Variants in KLF12 observed in about 807,000 individuals in gnomAD.
The protein encoded by KLF12 is KLF transcription factor 12, also known as Krueppel-like factor 12.
Under a neutral mutation model 37.8 loss-of-function variants are expected in KLF12, and 9 were observed. That is an observed-to-expected ratio of 0.24 (90% CI 0.14 to 0.42). The LOEUF is 0.42. Among genes scored for constraint, KLF12 ranks in the 10% least tolerant of loss-of-function variants. The pLI is 1.00. For synonymous variants in KLF12, 208 were observed against 202.1 expected, an observed-to-expected ratio of 1.03 and a Z score of -0.25; for missense variants, 411 against 516.0, an observed-to-expected ratio of 0.80 and a Z score of 1.97.
the KLF12 span, among the ~76,000 whole-genome samples, chr13:74,269,409 A>G: frequency 6.6e-6 from 1 of 152,174 alleles, no homozygotes; most frequent in Non-Finnish European, 1.5e-5. Context: ...TTTCATATAG[A>G]GCATACTGAG....
At chr13:74,156,472 G>A in the KLF12 span, among the ~76,000 whole-genome samples, 5 of 152,170 alleles carry the variant, frequency 3.3e-5, no homozygotes, top group Admixed American at 6.5e-5. Context: ...TTTATCCTTT[G>A]AGTTACAAAC....
intron 3 of KLF12, among the ~76,000 whole-genome samples, chr13:73,896,574 G>A (rs886389945): frequency 3.3e-5 from 5 of 152,274 alleles, no homozygotes; most frequent in East Asian, 1.9e-4. Context: ...AATCATTAGA[G>A]CAGCATAGTG....
intron 6 of KLF12, among the ~76,000 whole-genome samples, chr13:73,734,438 CAAGCAAATTT>C (rs976503739): frequency 1.3e-4 from 20 of 152,096 alleles, no homozygotes; most frequent in Admixed American, 1.2e-3. Flanking sequence ...AAAACAGTGC[CAAGCAAATTT>C]AAGTACTAAT....
intron 2 of KLF12, among the ~76,000 whole-genome samples, chr13:73,982,777 T>C (rs369298553): frequency 6.6e-6 from 1 of 152,168 alleles, no homozygotes; most frequent in Non-Finnish European, 1.5e-5. Flanking sequence ...GCCATTTTTC[T>C]CATAGTTAAG....
In KLF12 at chr13:73,738,050, C is replaced by T. The variant is rs373381334; in HGVS notation, c.870-22525G>A. Among the ~76,000 whole-genome samples, 145 of 89,422 alleles carry T rather than the reference C, an allele frequency of 1.6e-3. 2 individuals are homozygous for T. The highest frequency in any genetic ancestry group is 8.2e-3 in the African/African-American group (128 of 15,562). 58.7% of individuals were successfully genotyped at this position (89,422 alleles called of 152,430 possible). A position where few individuals can be genotyped will look rare whatever the true frequency, so the allele number is the denominator to read the frequency against. ...ACACACACACACACACACACACATACGTGTGTATATATATATATACACACA... is the reference window on the plus strand; with the variant it reads ...ACACACACACACACACACACACATATGTGTGTATATATATATATACACACA... On this transcript the variant is annotated intron_variant, in intron 6 of 7. Transcript: ENST00000377669.
chr13:74,034,780 T>C (rs1310889635), intron 1 of KLF12, among the ~76,000 whole-genome samples: 2 of 152,248 alleles, frequency 1.3e-5, no homozygotes, highest in African/African-American at 4.8e-5. Flanking sequence ...GCATAATGCC[T>C]AGGCAAACTG....
At chr13:73,904,599 C>G (rs903750133) in intron 3 of KLF12, among the ~76,000 whole-genome samples, 4 of 148,750 alleles carry the variant, frequency 2.7e-5, no homozygotes, top group Non-Finnish European at 5.9e-5. Context: ...CTAGGAAAAT[C>G]TGTCATTCAT....
chr13:73,730,360 A>G (rs540125432), intron 6 of KLF12, among the ~76,000 whole-genome samples: 1 of 152,246 alleles, frequency 6.6e-6, no homozygotes, highest in Non-Finnish European at 1.5e-5. Context: ...TTTGCCCTCC[A>G]AAAACCTTGG....
At chr13:73,955,872 C>A (rs760246897) in intron 2 of KLF12, among the ~76,000 whole-genome samples, 6 of 152,144 alleles carry the variant, frequency 3.9e-5, no homozygotes, top group Non-Finnish European at 7.4e-5. Flanking sequence ...GTCAGCAATA[C>A]CAACACCTCT....
intron 6 of KLF12, among the ~76,000 whole-genome samples, chr13:73,742,781 C>A (rs76446536): frequency 1.3e-5 from 2 of 152,104 alleles, no homozygotes; most frequent in African/African-American, 4.8e-5. Context: ...CTACATCAAC[C>A]GCACAGTGCT....
chr13:74,287,227 C>T, the KLF12 span, among the ~76,000 whole-genome samples: 2 of 152,072 alleles, frequency 1.3e-5, no homozygotes, highest in African/African-American at 4.8e-5. Flanking sequence ...CCCGTCTGCT[C>T]ATTGCTCATG....
chr13:74,087,398 T>C (rs1875379144), intron 1 of KLF12, among the ~76,000 whole-genome samples: 1 of 152,082 alleles, frequency 6.6e-6, no homozygotes, highest in Non-Finnish European at 1.5e-5. Context: ...CCCTGGGCTC[T>C]AAGAGGAGAG....
At chr13:74,110,593 CT>C (rs1566216900) in intron 1 of KLF12, among the ~76,000 whole-genome samples, 2 of 152,114 alleles carry the variant, frequency 1.3e-5, no homozygotes, top group Non-Finnish European at 2.9e-5. Context: ...ATTTTTCCTA[CT>C]TTACAGGTAG....
intron 3 of KLF12, among the ~76,000 whole-genome samples, chr13:73,868,339 G>GT (rs1886293435): frequency 2.5e-5 from 3 of 120,984 alleles, no homozygotes; most frequent in Admixed American, 1.7e-4. Flanking sequence ...GGGGGGGGGG[G>GT]TGATTTCAGT....
intron 6 of KLF12, among the ~76,000 whole-genome samples, chr13:73,733,609 T>C (rs1285645417): frequency 6.6e-6 from 1 of 152,196 alleles, no homozygotes; most frequent in Non-Finnish European, 1.5e-5. Flanking sequence ...CTCTACCTTT[T>C]GGCTATTGTG....
the KLF12 span, among the ~76,000 whole-genome samples, chr13:74,256,337 T>A: frequency 6.6e-6 from 1 of 152,096 alleles, no homozygotes; most frequent in African/African-American, 2.4e-5. Context: ...TGAATTCCAG[T>A]CCCAGCTCAG....
At chr13:74,192,688 C>T in the KLF12 span, among the ~76,000 whole-genome samples, 1 of 152,206 alleles carries the variant, frequency 6.6e-6, no homozygotes, top group Admixed American at 6.5e-5. Flanking sequence ...CTATGATCTA[C>T]ACTTGGATGT....
chr13:73,811,820 A>G (rs1451392126), intron 5 of KLF12, among the ~76,000 whole-genome samples: 2 of 152,220 alleles, frequency 1.3e-5, no homozygotes, highest in Non-Finnish European at 2.9e-5. Context: ...ATACAATATC[A>G]ACATATAATA....
At chr13:74,034,490 T>C (rs144023469) in intron 1 of KLF12, among the ~76,000 whole-genome samples, 1 of 152,342 alleles carries the variant, frequency 6.6e-6, no homozygotes, top group Non-Finnish European at 1.5e-5. Context: ...GTCATATATG[T>C]TGTAAATGGT....
Sources: gnomAD v4.1 joint callset for allele counts (sites outside exome capture counted in the v4.1 genomes callset) on GRCh38, gnomAD v4.1.1 for gene constraint, MANE v1.5 for transcripts, NCBI Gene and HGNC (gene_info 2026-07-23, HGNC 2026-07-21) for gene names.